Variants in ADAMTS6 observed in about 807,000 individuals in gnomAD.
The protein encoded by ADAMTS6 is A disintegrin and metalloproteinase with thrombospondin motifs 6.
Under a neutral mutation model 144.3 loss-of-function variants are expected in ADAMTS6, and 23 were observed. The observed-to-expected ratio is 0.16, with a 90% confidence interval of 0.11 to 0.23. ADAMTS6 has a LOEUF of 0.23. ADAMTS6 is among the 10% of genes least tolerant of loss of function. The probability of loss-of-function intolerance (pLI) is 1.00; values close to 1 mark genes in which losing one functional copy is unlikely to be tolerated. For missense variants in ADAMTS6, 999 were observed against 1,379.6 expected, an observed-to-expected ratio of 0.72 and a Z score of 4.37; for synonymous variants, 444 against 457.5, an observed-to-expected ratio of 0.97 and a Z score of 0.38.
In ADAMTS6 at chr5:65,480,690, T is replaced by C. The variant is rs184527232; in HGVS notation, c.-280+653A>G. Among the ~76,000 whole-genome samples, 9 of 152,318 alleles carry C rather than the reference T, an allele frequency of 5.9e-5. No homozygotes were observed. In the East Asian group the frequency reaches 1.5e-3, roughly 26 times the overall value. ...CTCTCCCTCCTCAATCCCTGAACTT[T>C]GGTCCCATACACCATATATACAGAC... On this transcript the variant is annotated intron_variant, in intron 1 of 24. Coordinates refer to ENST00000381055, the MANE Select transcript of ADAMTS6 (RefSeq NM_197941.4).
intron 7 of ADAMTS6, among the ~76,000 whole-genome samples, chr5:65,423,711 A>T (rs543125053): frequency 5.3e-4 from 80 of 152,284 alleles, no homozygotes; most frequent in African/African-American, 1.9e-3. Flanking sequence ...CAAAAGTATG[A>T]CATGAATGTA....
At chr5:65,437,568 C>T (rs764280774) in intron 7 of ADAMTS6, among the ~76,000 whole-genome samples, 12 of 152,218 alleles carry the variant, frequency 7.9e-5, no homozygotes, top group Non-Finnish European at 1.3e-4. Context: ...GGGACACAGC[C>T]AAACCATATC....
chr5:65,448,964 C>T (rs1161387823), intron 7 of ADAMTS6, among the ~76,000 whole-genome samples: 1 of 152,212 alleles, frequency 6.6e-6, no homozygotes, highest in Non-Finnish European at 1.5e-5. Flanking sequence ...TTTAAACACA[C>T]GTTGGATTTC....
intron 7 of ADAMTS6, among the ~76,000 whole-genome samples, chr5:65,373,488 A>G (rs372005190): frequency 6.6e-6 from 1 of 151,078 alleles, no homozygotes; most frequent in Non-Finnish European, 1.5e-5. Context: ...ACCTCTACGC[A>G]AATAAACTAG....
intron 7 of ADAMTS6, among the ~76,000 whole-genome samples, chr5:65,350,611 G>A (rs1748766408): frequency 6.6e-6 from 1 of 152,008 alleles, no homozygotes; most frequent in African/African-American, 2.4e-5. Flanking sequence ...TATATTGTGA[G>A]CTAATGCCAA....
At chr5:65,196,937 T>C (rs1413077336) in intron 21 of ADAMTS6, 85 bp downstream of exon 21, 1 of 1,472,332 alleles carries the variant, frequency 6.8e-7, no homozygotes, top group Non-Finnish European at 9.1e-7. Context: ...ATTCTCATCA[T>C]ATAAATATAT....
intron 11 of ADAMTS6, among the ~76,000 whole-genome samples, chr5:65,280,540 T>A (rs1451858569): frequency 6.6e-6 from 1 of 152,130 alleles, no homozygotes; most frequent in African/African-American, 2.4e-5. Flanking sequence ...TGAGAAAGCT[T>A]GCCCGATAGC....
At chr5:65,234,244 A>G (rs1005946156) in intron 15 of ADAMTS6, among the ~76,000 whole-genome samples, 2 of 151,940 alleles carry the variant, frequency 1.3e-5, no homozygotes, top group African/African-American at 2.4e-5. Context: ...TGGATATGAC[A>G]CCAAAAGCAC....
At chr5:65,399,480 A>G (rs1209164547) in intron 7 of ADAMTS6, among the ~76,000 whole-genome samples, 1 of 152,062 alleles carries the variant, frequency 6.6e-6, no homozygotes, top group African/African-American at 2.4e-5. Flanking sequence ...AGCATTGTGT[A>G]TGATTCCACT....
At chr5:65,311,788 T>G (rs573219964) in intron 9 of ADAMTS6, among the ~76,000 whole-genome samples, 22 of 152,098 alleles carry the variant, frequency 1.4e-4, no homozygotes, top group Non-Finnish European at 2.5e-4. Context: ...GCCTACTGAG[T>G]GTAAATTTAA....
At chr5:65,189,739 C>G (rs1465542084) in intron 21 of ADAMTS6, among the ~76,000 whole-genome samples, 1 of 152,168 alleles carries the variant, frequency 6.6e-6, no homozygotes, top group African/African-American at 2.4e-5. Context: ...AACAGTTCTC[C>G]AAAATCGTGA....
At chr5:65,477,693 T>G (rs1454539907) in intron 1 of ADAMTS6, among the ~76,000 whole-genome samples, 1 of 152,022 alleles carries the variant, frequency 6.6e-6, no homozygotes, top group Non-Finnish European at 1.5e-5. Context: ...TAGTCTTAGT[T>G]CCAACACTAG....
intron 20 of ADAMTS6, among the ~76,000 whole-genome samples, chr5:65,203,135 A>C (rs1755848613): frequency 6.6e-6 from 1 of 152,320 alleles, no homozygotes; most frequent in South Asian, 2.1e-4. Context: ...TGCGAGGTAC[A>C]TGTCAAAGGG....
intron 7 of ADAMTS6, among the ~76,000 whole-genome samples, chr5:65,393,100 G>A (rs1753058943): frequency 6.6e-6 from 1 of 152,088 alleles, no homozygotes; most frequent in African/African-American, 2.4e-5. Flanking sequence ...AAATACTCAA[G>A]CCAAAAACAT....
chr5:65,410,135 C>T (rs1312148138), intron 7 of ADAMTS6, among the ~76,000 whole-genome samples: 1 of 152,100 alleles, frequency 6.6e-6, no homozygotes, highest in Non-Finnish European at 1.5e-5. Context: ...TGTGGGAAAA[C>T]ACATCAAAAA....
chr5:65,447,530 T>C (rs758459420), intron 7 of ADAMTS6, among the ~76,000 whole-genome samples: 5 of 152,088 alleles, frequency 3.3e-5, no homozygotes, highest in Non-Finnish European at 7.4e-5. Context: ...ATTTGCAAGT[T>C]TTATAGCAAG....
At chr5:65,197,529 A>T (rs971009227) in intron 20 of ADAMTS6, among the ~76,000 whole-genome samples, 1 of 152,356 alleles carries the variant, frequency 6.6e-6, no homozygotes, top group African/African-American at 2.4e-5. Flanking sequence ...ATGCAAAACA[A>T]TGATTGTATA....
chr5:65,347,365 A>T (rs529670607), intron 7 of ADAMTS6, among the ~76,000 whole-genome samples: 33 of 152,156 alleles, frequency 2.2e-4, no homozygotes, highest in Admixed American at 7.2e-4. Flanking sequence ...TACTCAATTG[A>T]TCTTTGATAA....
In ADAMTS6 at chr5:65,151,639, C is replaced by A; in HGVS notation, c.*197G>T. ...CATTCCCTCCTAATACCGTGTCCAG[C>A]ACTTTGGATCAATAAATCCCACTTC... On this transcript the variant is annotated 3_prime_UTR_variant, in exon 25 of 25. Coordinates refer to ENST00000381055, the MANE Select transcript of ADAMTS6 (RefSeq NM_197941.4). The A allele has an allele frequency of 1.9e-6, 1 of 528,412 alleles. No individual in the cohort carries two copies. Among genetic ancestry groups the A allele is most frequent in the Non-Finnish European group, 3.4e-6 (1 of 294,182 alleles). 32.7% of individuals were successfully genotyped at this position (528,412 alleles called of 1,614,324 possible).
Sources: allele counts gnomAD v4.1 joint callset (sites outside exome capture counted in the v4.1 genomes callset), GRCh38; gene constraint gnomAD v4.1.1; transcripts MANE v1.5; gene names NCBI Gene and HGNC (gene_info 2026-07-23, HGNC 2026-07-21).